FCHO1: variants seen among roughly 807,000 people sequenced by gnomAD.
FCHO1 encodes the protein F-BAR domain only protein 1.
A neutral mutation model predicts 114.4 loss-of-function variants in FCHO1; 45 were observed. The ratio of observed to expected loss-of-function variants is 0.39; its 90% CI spans 0.31 to 0.50. The LOEUF is 0.50. Among genes scored for constraint, FCHO1 ranks in the 20% least tolerant of loss-of-function variants. The probability of loss-of-function intolerance (pLI) is 0.77; values close to 1 mark genes in which losing one functional copy is unlikely to be tolerated. For synonymous variants in FCHO1, 480 were observed against 488.9 expected (o/e 0.98, Z 0.24); for missense variants, 1,042 against 1,209.6 (o/e 0.86, Z 2.06).
intron 7 of FCHO1, among the ~76,000 whole-genome samples, chr19:17,770,029 G>A (rs866898988): frequency 2.6e-5 from 4 of 152,126 alleles, no homozygotes; most frequent in Middle Eastern, 3.4e-3. Flanking sequence ...GCCGGGCGTG[G>A]TGGCTCACAC....
chr19:17,770,292 ACT>A (rs1196326463), intron 7 of FCHO1, 131 bp from the exon 8 acceptor site: 5 of 860,026 alleles, frequency 5.8e-6, no homozygotes, highest in Non-Finnish European at 8.5e-6. Flanking sequence ...CAAGAGCGAA[ACT>A]CTGTCTAAAA....
At chr19:17,788,173 G>A in intron 28 of FCHO1, 111 bp from the exon 29 acceptor site, 1 of 804,086 alleles carries the variant, frequency 1.2e-6, no homozygotes, top group Admixed American at 2.0e-5. Flanking sequence ...ATGAGTTACA[G>A]GGGTGTTTTG....
intron 26 of FCHO1, among the ~76,000 whole-genome samples, 157 bp from the exon 27 acceptor site, chr19:17,786,417 G>A (rs1485298626): frequency 6.6e-6 from 1 of 152,138 alleles, no homozygotes; most frequent in African/African-American, 2.4e-5. Flanking sequence ...CTCCACGGCT[G>A]TTCCATATCT....
rs751850968 is a variant in FCHO1 at position 17,776,079 on chromosome 19, G to A, written c.1100G>A (p.Arg367Gln). 1.1e-5 allele frequency: 18 copies of A among 1,611,752 alleles called. No individual in the cohort carries two copies. The highest frequency in any genetic ancestry group is 5.3e-5 in the African/African-American group (4 of 74,918). The change falls in exon 16 of 29, where the codon CGG (arginine) becomes CAG (glutamine). Residue 367 changes from arginine to glutamine, a missense_variant. Physicochemically the swap from Arg to Gln is conservative, Grantham distance 43. This residue lies in a region of FCHO1 where 450 missense variants were observed against 564.1 expected (regional missense o/e 0.80). Transcript: ENST00000596536. The surrounding 1 kb of genome is among the most constrained non-coding windows in gnomAD (Gnocchi z 4.4). ...GTGCACATCAAGCCTGCCCCGGCCC[G>A]GGCTCCAGCCTGCAGCCCCGAGGCA... ...FYVHIKPAPA[R>Q]APACSPEAAA...
intron 6 of FCHO1, among the ~76,000 whole-genome samples, chr19:17,765,721 G>T (rs552223801): frequency 7.9e-4 from 120 of 151,968 alleles, no homozygotes; most frequent in African/African-American, 2.8e-3. Flanking sequence ...TCCCCCGATG[G>T]CATTTGCAGT....
chr19:17,783,220 C>G, intron 24 of FCHO1, 48 bp downstream of exon 24: 1 of 1,579,688 alleles, frequency 6.3e-7, no homozygotes, highest in Non-Finnish European at 8.6e-7. Context: ...TGCTGGGGAT[C>G]AGGCTTCCGG....
At chr19:17,781,393 C>T (rs1325836624) in intron 21 of FCHO1, 50 bp downstream of exon 21, 4 of 1,609,452 alleles carry the variant, frequency 2.5e-6, no homozygotes, top group Non-Finnish European at 8.5e-7. Flanking sequence ...CGTCTGGGGT[C>T]CGCTTTTGGG....
intron 6 of FCHO1, among the ~76,000 whole-genome samples, chr19:17,765,756 A>G (rs1483592162): frequency 1.3e-5 from 2 of 152,138 alleles, no homozygotes; most frequent in African/African-American, 4.8e-5. Flanking sequence ...CTATGAGGCA[A>G]AAGTTCTGTG....
chr19:17,766,964 G>C (rs1008229779), intron 7 of FCHO1, among the ~76,000 whole-genome samples, 154 bp downstream of exon 7: 1 of 152,198 alleles, frequency 6.6e-6, no homozygotes. Flanking sequence ...TTACGGACCT[G>C]AGCGTTGTTG....
chr19:17,755,170 G>C lies in FCHO1; in HGVS notation c.6G>C (p.Ser2=). 6.2e-7 allele frequency: 1 copy of C among 1,611,204 alleles called. No homozygotes were observed. ...TCTCCACAGAGACCATCAGGATGTC[G>C]TATTTTGGGGAGCATTTTTGGGTAA... M[S]YFGEHFWGEK... Residue 2 remains serine (S), a synonymous_variant, in exon 4 of 29, where the codon TCG becomes TCC. Transcript: ENST00000596536.
At chr19:17,786,729 G>C (rs1331085812) in intron 27 of FCHO1, 100 bp downstream of exon 27, 1 of 1,248,358 alleles carries the variant, frequency 8.0e-7, no homozygotes, top group African/African-American at 1.5e-5. Flanking sequence ...ACTGAGGGCG[G>C]GCAAGTATGG....
upstream of FCHO1, among the ~76,000 whole-genome samples, chr19:17,750,748 C>T (rs1056397083): frequency 2.0e-5 from 3 of 152,072 alleles, no homozygotes; most frequent in African/African-American, 4.8e-5. Flanking sequence ...CATCAGCCAC[C>T]ACCTAAAATA....
rs748723200 is a variant in FCHO1 at position 17,775,482 on chromosome 19, T to A, written c.972T>A (p.Gly324=). The A allele has an allele frequency of 1.9e-6, 3 of 1,613,748 alleles. No homozygotes were observed. Among genetic ancestry groups the A allele is most frequent in the East Asian group, 4.5e-5 (2 of 44,874 alleles). The change falls in exon 15 of 29, where the codon GGT becomes GGA. Residue 324 remains glycine (G), a synonymous_variant. Coordinates refer to ENST00000596536, the MANE Select transcript of FCHO1 (RefSeq NM_015122.3). The surrounding 1 kb of genome is among the most constrained non-coding windows in gnomAD (Gnocchi z 5.1). ...CATGTCCAGAGGTGGATGAAGAAGG[T>A]TTCACTGTCCGGCCTGATGTGACCC... ...SGTCPEVDEE[G]FTVRPDVTQN...
intron 22 of FCHO1, 60 bp downstream of exon 22, chr19:17,781,599 G>A: frequency 6.3e-7 from 1 of 1,590,526 alleles, no homozygotes; most frequent in Non-Finnish European, 8.6e-7. Flanking sequence ...TCTGGTCTGG[G>A]TGGGTGGCTT....
At chr19:17,748,561 T>C (rs12151113), upstream of FCHO1, among the ~76,000 whole-genome samples, 76,173 of 146,624 alleles carry the variant, frequency 0.52, 21,297 homozygotes, top group African/African-American at 0.7. Flanking sequence ...AGCATCTGTT[T>C]CTGGGGATTA....
chr19:17,760,664 C>A (rs1251532220), intron 4 of FCHO1, among the ~76,000 whole-genome samples: 2 of 152,032 alleles, frequency 1.3e-5, no homozygotes, highest in Non-Finnish European at 1.5e-5. Flanking sequence ...CTGCTTGTAT[C>A]ATCTCCATGT....
At chr19:17,764,128 C>T (rs1039264352) in intron 5 of FCHO1, among the ~76,000 whole-genome samples, 8 of 152,156 alleles carry the variant, frequency 5.3e-5, no homozygotes, top group Admixed American at 3.9e-4. Context: ...CAACCTCCAC[C>T]TCCTAGGTTC....
chr19:17,779,264 G>A (rs2093060641), intron 20 of FCHO1, among the ~76,000 whole-genome samples: 1 of 152,092 alleles, frequency 6.6e-6, no homozygotes, highest in Non-Finnish European at 1.5e-5. Flanking sequence ...GATCACGGAA[G>A]GAGGAAGAAG....
intron 2 of FCHO1, 39 bp downstream of exon 2, chr19:17,754,400 G>T (rs931405549): frequency 3.3e-5 from 5 of 152,922 alleles, no homozygotes; most frequent in Admixed American, 3.3e-4. Flanking sequence ...GGGACTCGTG[G>T]GGGCAGCAAT....
Sources: allele counts gnomAD v4.1 joint callset (sites outside exome capture counted in the v4.1 genomes callset), GRCh38; gene constraint gnomAD v4.1.1; regional missense constraint gnomAD v4.1.1; non-coding constraint Gnocchi (gnomAD v3.1); transcripts MANE v1.5; gene names NCBI Gene and HGNC (gene_info 2026-07-23, HGNC 2026-07-21).